The following SDK1 variants were observed in gnomAD, a reference collection of about 807,000 sequenced individuals.
The protein encoded by SDK1 is sidekick cell adhesion molecule 1, also known as protein sidekick-1.
A neutral mutation model predicts 245.5 loss-of-function variants in SDK1; 157 were observed. That is an observed-to-expected ratio of 0.64 (90% CI 0.56 to 0.73). The LOEUF is 0.73. Ranked by LOEUF, SDK1 falls within the 30% of genes least tolerant of loss-of-function variation. The probability of loss-of-function intolerance (pLI) is 0.00; values close to 1 mark genes in which losing one functional copy is unlikely to be tolerated. For synonymous variants in SDK1, 1,647 were observed against 1,278.5 expected (o/e 1.29, Z -6.15); for missense variants, 3,583 against 3,002.3 (o/e 1.19, Z -4.52).
In SDK1 at chr7:3,356,947, C is replaced by G. The variant is rs1315242821; in HGVS notation, c.298+55063C>G. On this transcript the variant is annotated intron_variant, in intron 1 of 44. Transcript: ENST00000404826. Reference sequence around the variant, plus strand: ...GTGCGTGCTTCTAATCCCAGCTACTCAGGAGGCTGAGGCAGAAGAACCGCT... The same window carrying G: ...GTGCGTGCTTCTAATCCCAGCTACTGAGGAGGCTGAGGCAGAAGAACCGCT... Among the ~76,000 whole-genome samples the G allele has an allele frequency of 9.2e-5, 12 of 131,050 alleles. No homozygotes were observed. The South Asian group carries it at 2.9e-3, about 32-fold the overall frequency. 86.0% of individuals were successfully genotyped at this position (131,050 alleles called of 152,430 possible).
intron 1 of SDK1, among the ~76,000 whole-genome samples, chr7:3,412,794 A>C (rs191290011): frequency 6.6e-6 from 1 of 152,192 alleles, no homozygotes; most frequent in East Asian, 1.9e-4. Flanking sequence ...TTGGGCTAAT[A>C]AGTAACCCAT....
Position 4,267,914 on chromosome 7 carries a change from G to A in SDK1, c.*2530G>A. 2 of 985,522 alleles carry A rather than the reference G, an allele frequency of 2.0e-6. No homozygotes were observed. The highest frequency in any genetic ancestry group is 2.4e-6 in the Non-Finnish European group (2 of 829,990). The allele number at this position is 985,522 out of a possible 1,614,324, so 61.0% of individuals were successfully genotyped here. ...AGAACCACCTGTGCAAAGGAACAGA[G>A]CTGGATGTTTCCAGGTAGATTTTGG... On this transcript the variant is annotated 3_prime_UTR_variant, in exon 45 of 45. Coordinates refer to ENST00000404826, the MANE Select transcript of SDK1 (RefSeq NM_152744.4).
At position 4,012,076 on chromosome 7, in the gene SDK1, A is replaced by G; in HGVS notation, c.2280-19A>G. The G allele has an allele frequency of 2.0e-6, 3 of 1,487,956 alleles. No homozygotes were observed. Among genetic ancestry groups the G allele is most frequent in the Non-Finnish European group, 2.7e-6 (3 of 1,121,922 alleles). The allele number at this position is 1,487,956 out of a possible 1,614,324, so 92.2% of individuals were successfully genotyped here. A position where few individuals can be genotyped will look rare whatever the true frequency, so the allele number is the denominator to read the frequency against. On this transcript the variant is annotated intron_variant, in intron 15 of 44. Coordinates refer to ENST00000404826, the MANE Select transcript of SDK1 (RefSeq NM_152744.4). ...TCTGGTACTCATCTCTCTTGTTCCT[A>G]CCCGTCTTTTATTTATAGGTTGATG...
chr7:4,222,313 G>T (rs1453590929), intron 40 of SDK1, among the ~76,000 whole-genome samples: 1 of 151,964 alleles, frequency 6.6e-6, no homozygotes, highest in East Asian at 1.9e-4. Context: ...TTATTTTTTT[G>T]AGACAGAGTC....
At chr7:4,080,352 C>T (rs777238166) in intron 22 of SDK1, among the ~76,000 whole-genome samples, 2 of 152,042 alleles carry the variant, frequency 1.3e-5, no homozygotes, top group Non-Finnish European at 2.9e-5. Context: ...GTGCAATCTG[C>T]CACTTCCATG....
intron 14 of SDK1, among the ~76,000 whole-genome samples, chr7:3,997,799 G>T (rs922025992): frequency 9.2e-5 from 14 of 152,134 alleles, no homozygotes; most frequent in African/African-American, 3.1e-4. Flanking sequence ...CCTGAAGGTG[G>T]GGCCTCACCG....
intron 17 of SDK1, among the ~76,000 whole-genome samples, chr7:4,034,471 A>G (rs78197957): frequency 0.015 from 2,291 of 152,316 alleles, 44 homozygotes; most frequent in African/African-American, 0.045. Flanking sequence ...CTCACTCTCA[A>G]ACAGTTTTTA....
intron 1 of SDK1, among the ~76,000 whole-genome samples, chr7:3,599,414 C>G (rs533270644): frequency 2.0e-5 from 3 of 152,244 alleles, no homozygotes; most frequent in Non-Finnish European, 4.4e-5. Context: ...TTCTCCTAAT[C>G]TGTGTCTGTC....
chr7:3,944,637 A>G (rs1334088582), intron 5 of SDK1, among the ~76,000 whole-genome samples: 5 of 152,214 alleles, frequency 3.3e-5, no homozygotes, highest in Non-Finnish European at 7.3e-5. Flanking sequence ...GAACTTGGAA[A>G]ACCTTTTGGT....
At chr7:4,003,758 G>C (rs1254566719) in intron 14 of SDK1, among the ~76,000 whole-genome samples, 1 of 152,218 alleles carries the variant, frequency 6.6e-6, no homozygotes, top group African/African-American at 2.4e-5. Flanking sequence ...CACCTGTCTT[G>C]AGTGTGCAGT....
At chr7:3,786,132 G>C (rs541096709) in intron 4 of SDK1, among the ~76,000 whole-genome samples, 2 of 152,118 alleles carry the variant, frequency 1.3e-5, no homozygotes, top group South Asian at 2.1e-4. Context: ...TCTTTCTTTT[G>C]GGTTCTGTCT....
intron 1 of SDK1, among the ~76,000 whole-genome samples, chr7:3,460,198 A>C (rs933314127): frequency 1.3e-5 from 2 of 152,206 alleles, no homozygotes; most frequent in African/African-American, 4.8e-5. Context: ...CCCTCAGCCA[A>C]GTTATAGAAT....
chr7:3,670,308 A>G (rs1783658035), intron 4 of SDK1, among the ~76,000 whole-genome samples: 1 of 151,984 alleles, frequency 6.6e-6, no homozygotes, highest in Non-Finnish European at 1.5e-5. Context: ...TATCTACCTA[A>G]ATTTTTTCTT....
At chr7:4,012,356 T>C in intron 16 of SDK1, 121 bp downstream of exon 16, 1 of 1,104,868 alleles carries the variant, frequency 9.1e-7, no homozygotes, top group South Asian at 2.2e-5. Context: ...TCAGGCCAGG[T>C]GTGAGATGTT....
intron 1 of SDK1, among the ~76,000 whole-genome samples, chr7:3,614,140 T>C (rs1019411618): frequency 2.6e-5 from 4 of 152,182 alleles, no homozygotes; most frequent in African/African-American, 7.2e-5. Context: ...TTAAAAATTA[T>C]GATGTTGTCT....
intron 19 of SDK1, among the ~76,000 whole-genome samples, chr7:4,058,321 T>C (rs1172244771): frequency 1.3e-5 from 2 of 152,158 alleles, no homozygotes; most frequent in African/African-American, 2.4e-5. Context: ...AATTTCAGAA[T>C]TTAAAGTTGA....
At chr7:3,336,468 G>T (rs1780202840) in intron 1 of SDK1, among the ~76,000 whole-genome samples, 1 of 152,150 alleles carries the variant, frequency 6.6e-6, no homozygotes, top group African/African-American at 2.4e-5. Flanking sequence ...ACAATGAGGT[G>T]GTGCTAGCAG....
At chr7:3,488,900 C>T (rs540793812) in intron 1 of SDK1, among the ~76,000 whole-genome samples, 1 of 139,670 alleles carries the variant, frequency 7.2e-6, no homozygotes, top group East Asian at 2.2e-4. Context: ...TTCATTCCTC[C>T]CTCCGTGTGT....
chr7:3,611,458 T>G (rs1781585346), intron 1 of SDK1, among the ~76,000 whole-genome samples: 1 of 152,216 alleles, frequency 6.6e-6, no homozygotes. Context: ...TGAACTGCCC[T>G]GTCCTCACTG....
Sources: gnomAD v4.1 joint callset for allele counts (sites outside exome capture counted in the v4.1 genomes callset) on GRCh38, gnomAD v4.1.1 for gene constraint, MANE v1.5 for transcripts, NCBI Gene and HGNC (gene_info 2026-07-23, HGNC 2026-07-21) for gene names.